Variants in MME observed in about 807,000 individuals in gnomAD.
MME encodes neprilysin.
Under a neutral mutation model 113.2 loss-of-function variants are expected in MME, and 98 were observed. The ratio of observed to expected loss-of-function variants is 0.87; its 90% CI spans 0.74 to 1.02. The LOEUF (loss-of-function observed/expected upper bound fraction) is 1.02. Ranked by LOEUF, MME falls within the 50% of genes least tolerant of loss-of-function variation. MME has a pLI of 0.00. For missense variants in MME, 836 were observed against 896.0 expected, an observed-to-expected ratio of 0.93 and a Z score of 0.86; for synonymous variants, 292 against 300.6, an observed-to-expected ratio of 0.97 and a Z score of 0.30.
intron 1 of MME, chr3:155,081,767 A>T (rs1482739178): frequency 2.0e-5 from 3 of 152,198 alleles, no homozygotes; most frequent in Non-Finnish European, 2.9e-5. Context: ...GTCTTAAAGA[A>T]AAATTGTGAA....
intron 16 of MME, among the ~76,000 whole-genome samples, chr3:155,151,525 C>T (rs1721930306): frequency 6.6e-6 from 1 of 152,152 alleles, no homozygotes; most frequent in African/African-American, 2.4e-5. Flanking sequence ...TGACTCAGAT[C>T]CATTTACTAA....
At chr3:155,075,740 C>T (rs955283051), upstream of MME, among the ~76,000 whole-genome samples, 3 of 152,120 alleles carry the variant, frequency 2.0e-5, no homozygotes, top group African/African-American at 7.2e-5. Context: ...TCAGGCTGGT[C>T]TCAAACTTGG....
intron 8 of MME, among the ~76,000 whole-genome samples, chr3:155,131,178 A>G (rs1363497903): frequency 6.6e-6 from 1 of 152,216 alleles, no homozygotes; most frequent in East Asian, 1.9e-4. Context: ...AGAAGGCCAC[A>G]TGGTAATTCA....
upstream of MME, chr3:155,080,306 C>T (rs1283069942): frequency 6.6e-6 from 1 of 152,396 alleles, no homozygotes; most frequent in Admixed American, 6.5e-5. Context: ...GTTGGCTCTT[C>T]AGGTTCATTT....
At chr3:155,098,225 C>T (rs1444248354) in intron 3 of MME, among the ~76,000 whole-genome samples, 1 of 152,034 alleles carries the variant, frequency 6.6e-6, no homozygotes, top group African/African-American at 2.4e-5. Flanking sequence ...ACAGGATGTA[C>T]ACTGGACAGA....
intron 8 of MME, among the ~76,000 whole-genome samples, chr3:155,121,682 T>C (rs1323969383): frequency 4.6e-5 from 4 of 87,784 alleles, no homozygotes; most frequent in African/African-American, 1.6e-4. Flanking sequence ...AATCATGTGG[T>C]TTTTGTCTTT....
intron 8 of MME, among the ~76,000 whole-genome samples, chr3:155,127,019 A>T (rs1461952715): frequency 6.6e-6 from 1 of 151,938 alleles, no homozygotes; most frequent in Non-Finnish European, 1.5e-5. Flanking sequence ...AAAAAAAAAA[A>T]AAAAAAGAAA....
intron 22 of MME, 42 bp from the exon 23 acceptor site, chr3:155,180,318 A>G (rs1174788730): frequency 1.4e-6 from 2 of 1,386,652 alleles, no homozygotes; most frequent in Non-Finnish European, 2.1e-6. Flanking sequence ...TATGGACGTG[A>G]GTATCAAATG....
chr3:155,089,341 C>T (rs150734439), intron 3 of MME, among the ~76,000 whole-genome samples: 1 of 152,312 alleles, frequency 6.6e-6, no homozygotes, highest in East Asian at 1.9e-4. Flanking sequence ...ACCTCCCTAA[C>T]TTAGATTTCA....
chr3:155,045,549 C>T (rs1325763538), intron 1 of MME, among the ~76,000 whole-genome samples: 72 of 146,032 alleles, frequency 4.9e-4, no homozygotes, highest in Admixed American at 1.0e-3. Flanking sequence ...GGTTTTGAGA[C>T]GGAGATTCAC....
chr3:155,125,710 C>T (rs910898098), intron 8 of MME, among the ~76,000 whole-genome samples: 7 of 151,914 alleles, frequency 4.6e-5, no homozygotes, highest in African/African-American at 9.7e-5. Flanking sequence ...CCACCTGCCT[C>T]GGCCCCCTAA....
rs1713297548 is a variant in MME, at chr3:155,183,577, T to G, written c.*3118T>G. 6.6e-6 allele frequency: 1 copy of G among 152,190 alleles called. No individual in the cohort carries two copies. Among genetic ancestry groups the G allele is most frequent in the South Asian group, 2.1e-4 (1 of 4,826 alleles). 9.4% of individuals were successfully genotyped at this position (152,190 alleles called of 1,614,324 possible). A position where few individuals can be genotyped will look rare whatever the true frequency, so the allele number is the denominator to read the frequency against. ...TCATTCTTGTTGCCACAGCTGGAGC[T>G]CTCAAACTAAAAGACATTTGTTATT... On this transcript the variant is annotated 3_prime_UTR_variant, in exon 23 of 23. Transcript: ENST00000360490.
chr3:155,063,232 T>C (rs1714225864), intron 1 of MME, among the ~76,000 whole-genome samples: 1 of 111,946 alleles, frequency 8.9e-6, no homozygotes, highest in Non-Finnish European at 1.8e-5. Flanking sequence ...ATGTATATTA[T>C]TATATATTAT....
chr3:155,039,035 T>C (rs1713221031), intron 1 of MME, among the ~76,000 whole-genome samples: 1 of 152,184 alleles, frequency 6.6e-6, no homozygotes, highest in African/African-American at 2.4e-5. Context: ...CATAAAACCA[T>C]ACTGTGATCT....
chr3:155,072,235 C>A (rs951756144), intron 1 of MME, among the ~76,000 whole-genome samples: 1 of 151,108 alleles, frequency 6.6e-6, no homozygotes, highest in Non-Finnish European at 1.5e-5. Context: ...TTGCCTCCAT[C>A]CTTTCCCATC....
At chr3:155,115,178 C>T in intron 4 of MME, 23 bp downstream of exon 4, 6 of 1,612,212 alleles carry the variant, frequency 3.7e-6, no homozygotes, top group Non-Finnish European at 5.1e-6. Flanking sequence ...TGTGTCTGTG[C>T]ATCAAAGATT....
At chr3:155,126,194 A>G (rs1424065123) in intron 8 of MME, among the ~76,000 whole-genome samples, 2 of 152,186 alleles carry the variant, frequency 1.3e-5, no homozygotes, top group African/African-American at 4.8e-5. Context: ...TTTAAGAGCA[A>G]TGCAGCTGCT....
chr3:155,097,130 G>A (rs1716806570), intron 3 of MME, among the ~76,000 whole-genome samples: 1 of 152,152 alleles, frequency 6.6e-6, no homozygotes, highest in African/African-American at 2.4e-5. Flanking sequence ...AATAGGCTGG[G>A]ACCAATGCAG....
rs113437700 is a variant in MME, at chr3:155,087,007, T to G, written c.196+1913T>G. Among the ~76,000 whole-genome samples the G allele has an allele frequency of 1.6e-3, 52 of 31,978 alleles. 1 individual carries two copies. Among genetic ancestry groups the G allele is most frequent in the African/African-American group, 3.7e-3 (22 of 5,996 alleles). 21.0% of individuals were successfully genotyped at this position (31,978 alleles called of 152,430 possible). ...TTTTGTTTTTTTTGTTTTTTTTTGT[T>G]TTTTTTTTTTGTAGAGACAGGGTCT... On this transcript the variant is annotated intron_variant, in intron 3 of 22. Transcript: ENST00000360490.
Sources: allele counts gnomAD v4.1 joint callset (sites outside exome capture counted in the v4.1 genomes callset), GRCh38; gene constraint gnomAD v4.1.1; transcripts MANE v1.5; gene names NCBI Gene and HGNC (gene_info 2026-07-23, HGNC 2026-07-21).